Variants in PDZRN4 observed in about 807,000 individuals in gnomAD.
PDZRN4 encodes the protein PDZ domain-containing RING finger protein 4.
A neutral mutation model predicts 99.0 loss-of-function variants in PDZRN4; 70 were observed. That is an observed-to-expected ratio of 0.71 (90% CI 0.58 to 0.86). The LOEUF (loss-of-function observed/expected upper bound fraction) is 0.86. Among genes scored for constraint, PDZRN4 ranks in the 40% least tolerant of loss-of-function variants. PDZRN4 has a pLI of 0.00. For missense variants in PDZRN4, 1,474 were observed against 1,331.2 expected, an observed-to-expected ratio of 1.11 and a Z score of -1.67; for synonymous variants, 551 against 501.6, an observed-to-expected ratio of 1.10 and a Z score of -1.32.
At chr12:41,310,099 A>AT (rs1392250687) in intron 3 of PDZRN4, among the ~76,000 whole-genome samples, 8 of 151,916 alleles carry the variant, frequency 5.3e-5, no homozygotes, top group Admixed American at 3.9e-4. Context: ...CACCTGTCTA[A>AT]TTTTTGTATT....
chr12:41,437,959 G>A (rs777509170), intron 3 of PDZRN4: 1 of 1,614,046 alleles, frequency 6.2e-7, no homozygotes, highest in Non-Finnish European at 8.5e-7. Flanking sequence ...GCTGCAATTT[G>A]TGCACTTTTC....
intron 5 of PDZRN4, among the ~76,000 whole-genome samples, chr12:41,520,283 G>A (rs1396760320): frequency 6.6e-6 from 1 of 151,978 alleles, no homozygotes; most frequent in African/African-American, 2.4e-5. Context: ...TTTGCCTTAT[G>A]TGCCATTATT....
chr12:41,304,431 C>G (rs371472499), intron 3 of PDZRN4, among the ~76,000 whole-genome samples: 3 of 152,230 alleles, frequency 2.0e-5, no homozygotes, highest in East Asian at 1.9e-4. Flanking sequence ...ATTATCTTCA[C>G]CTATGAAGCT....
At chr12:41,480,770 A>G (rs932627312) in intron 3 of PDZRN4, among the ~76,000 whole-genome samples, 4 of 152,272 alleles carry the variant, frequency 2.6e-5, no homozygotes, top group Admixed American at 6.5e-5. Context: ...AGGAATAGAA[A>G]GAGACATTCT....
intron 3 of PDZRN4, among the ~76,000 whole-genome samples, chr12:41,463,398 A>G (rs1952890731): frequency 6.6e-6 from 1 of 151,688 alleles, no homozygotes; most frequent in Non-Finnish European, 1.5e-5. Flanking sequence ...AGTTCTTCAT[A>G]CTCTGGATTA....
At chr12:41,364,583 C>A in intron 3 of PDZRN4, among the ~76,000 whole-genome samples, 1 of 152,090 alleles carries the variant, frequency 6.6e-6, no homozygotes. Flanking sequence ...TTGAGCATCT[C>A]TAACAGCTTT....
intron 3 of PDZRN4, among the ~76,000 whole-genome samples, chr12:41,261,160 G>A (rs150666837): frequency 1.1e-3 from 172 of 151,942 alleles, no homozygotes; most frequent in African/African-American, 4.0e-3. Context: ...AGGGGTTCAG[G>A]AATTCCCTAG....
intron 3 of PDZRN4, among the ~76,000 whole-genome samples, chr12:41,399,873 C>G (rs961742299): frequency 6.6e-6 from 1 of 151,940 alleles, no homozygotes; most frequent in Non-Finnish European, 1.5e-5. Flanking sequence ...CCAATCACTT[C>G]TGTTTATGCA....
At chr12:41,443,418 C>A (rs1303148168) in intron 3 of PDZRN4, among the ~76,000 whole-genome samples, 1 of 152,088 alleles carries the variant, frequency 6.6e-6, no homozygotes, top group East Asian at 1.9e-4. Context: ...TCGCTAAATG[C>A]TAAAGTAAGA....
intron 5 of PDZRN4, among the ~76,000 whole-genome samples, chr12:41,525,748 C>T (rs896283997): frequency 1.3e-5 from 2 of 151,848 alleles, no homozygotes; most frequent in African/African-American, 2.4e-5. Flanking sequence ...TGATAGGGTC[C>T]GAGTACAAGC....
chr12:41,391,844 A>G (rs1952213087), intron 3 of PDZRN4, among the ~76,000 whole-genome samples: 1 of 152,178 alleles, frequency 6.6e-6, no homozygotes, highest in Non-Finnish European at 1.5e-5. Flanking sequence ...GTCAGTTCTA[A>G]TTGAATAAGT....
chr12:41,200,566 C>T (rs181893901), intron 3 of PDZRN4, among the ~76,000 whole-genome samples: 63 of 152,128 alleles, frequency 4.1e-4, no homozygotes, highest in Admixed American at 4.6e-4. Flanking sequence ...AGCTTGCACA[C>T]GGCACAGCTG....
intron 3 of PDZRN4, among the ~76,000 whole-genome samples, chr12:41,208,781 G>A (rs1026491940): frequency 2.0e-5 from 3 of 151,770 alleles, no homozygotes; most frequent in Admixed American, 6.6e-5. Context: ...GCATTATTAA[G>A]GAAACAAAGT....
At position 41,574,016 on chromosome 12, in the gene PDZRN4, G is replaced by T. The variant is rs911502657; in HGVS notation, c.*126G>T. ...TGACTCTTTATAGTTTAAATTTTTT[G>T]TAAGCAAAAAATACCTGGTAATTTT... On this transcript the variant is annotated 3_prime_UTR_variant, in exon 10 of 10. Coordinates refer to ENST00000402685, the MANE Select transcript of PDZRN4 (RefSeq NM_001164595.2). 3.5e-6 allele frequency: 2 copies of T among 563,730 alleles called. No individual in the cohort carries two copies. The highest frequency in any genetic ancestry group is 3.5e-4 in the Middle Eastern group (1 of 2,868). 34.9% of individuals were successfully genotyped at this position (563,730 alleles called of 1,614,324 possible).
At chr12:41,342,681 G>A (rs1267244171) in intron 3 of PDZRN4, among the ~76,000 whole-genome samples, 1 of 151,820 alleles carries the variant, frequency 6.6e-6, no homozygotes, top group Non-Finnish European at 1.5e-5. Context: ...CTGTTAGAAT[G>A]GCTACTATCA....
intron 3 of PDZRN4, among the ~76,000 whole-genome samples, chr12:41,343,590 G>A (rs1480744645): frequency 1.4e-5 from 2 of 138,850 alleles, no homozygotes; most frequent in Non-Finnish European, 3.2e-5. Context: ...AGGGGAAGTG[G>A]GGGAGGGGAG....
chr12:41,296,256 A>G (rs1280661290), intron 3 of PDZRN4, among the ~76,000 whole-genome samples: 3 of 152,212 alleles, frequency 2.0e-5, no homozygotes, highest in African/African-American at 7.2e-5. Flanking sequence ...GAAATGAAAC[A>G]TGGCTTTACC....
intron 3 of PDZRN4, among the ~76,000 whole-genome samples, chr12:41,300,266 T>C (rs1049011837): frequency 1.3e-5 from 2 of 151,966 alleles, no homozygotes; most frequent in Admixed American, 6.6e-5. Context: ...TTTATAATTA[T>C]GCAACTTTGT....
At chr12:41,481,758 CT>C (rs1016384840) in intron 3 of PDZRN4, among the ~76,000 whole-genome samples, 2 of 151,950 alleles carry the variant, frequency 1.3e-5, no homozygotes, top group African/African-American at 4.8e-5. Context: ...TATTGTTTAT[CT>C]TTTTTATGTA....
Sources: gnomAD v4.1 joint callset for allele counts (sites outside exome capture counted in the v4.1 genomes callset) on GRCh38, gnomAD v4.1.1 for gene constraint, MANE v1.5 for transcripts, NCBI Gene and HGNC (gene_info 2026-07-23, HGNC 2026-07-21) for gene names.